GRIK4: variants seen among roughly 807,000 people sequenced by gnomAD.
GRIK4 encodes the protein glutamate ionotropic receptor kainate type subunit 4, also known as glutamate receptor ionotropic, kainate 4.
In GRIK4, 40 loss-of-function variants were observed where a neutral mutation model predicts 104.9. The observed-to-expected ratio is 0.38, with a 90% CI of 0.30 to 0.50. GRIK4 has a LOEUF of 0.50. GRIK4 is among the 20% of genes least tolerant of loss of function. The pLI, the probability that GRIK4 is intolerant of heterozygous loss-of-function variation, is 0.93. For missense variants in GRIK4, 1,047 were observed against 1,308.1 expected, an observed-to-expected ratio of 0.80 and a Z score of 3.08; for synonymous variants, 485 against 524.9, an observed-to-expected ratio of 0.92 and a Z score of 1.04.
intron 3 of GRIK4, among the ~76,000 whole-genome samples, chr11:120,699,041 CTGTT>C (rs1000881553): frequency 6.6e-6 from 1 of 152,250 alleles, no homozygotes; most frequent in African/African-American, 2.4e-5. Context: ...CCACCTGTGT[CTGTT>C]TGCCCCTGTG....
chr11:120,514,432 C>T (rs1363667669), intron 1 of GRIK4, among the ~76,000 whole-genome samples: 1 of 152,180 alleles, frequency 6.6e-6, no homozygotes, highest in East Asian at 1.9e-4. Context: ...ACAGCTGGGT[C>T]CCAGGCCCCT....
chr11:120,695,337 G>A (rs373832431), intron 3 of GRIK4, among the ~76,000 whole-genome samples: 1 of 152,190 alleles, frequency 6.6e-6, no homozygotes, highest in African/African-American at 2.4e-5. Context: ...CCAGGCCCTG[G>A]CCCTCCCTCT....
rs1789661 is a variant in GRIK4 at position 120,956,312 on chromosome 11, C to T, written c.1701-468C>T. Reference sequence around the variant, plus strand: ...TACCTCCCGGACTCAAGTGATTCTCCCACCTCATCCTCTTGAGTAGCTAGG... The same window carrying T: ...TACCTCCCGGACTCAAGTGATTCTCTCACCTCATCCTCTTGAGTAGCTAGG... On this transcript the variant is annotated intron_variant, in intron 15 of 20. Coordinates refer to ENST00000527524, the MANE Select transcript of GRIK4 (RefSeq NM_014619.5). The surrounding 1 kb of genome is among the most constrained non-coding windows in gnomAD (Gnocchi z 4.6). 0.15 allele frequency among the ~76,000 whole-genome samples: 22,962 copies of T among 151,944 alleles called. 2,117 individuals carry two copies. The highest frequency in any genetic ancestry group is 0.34 in the East Asian group (1,726 of 5,142).
intron 3 of GRIK4, among the ~76,000 whole-genome samples, chr11:120,706,319 A>G (rs144951040): frequency 1.5e-3 from 227 of 152,338 alleles, no homozygotes; most frequent in African/African-American, 4.9e-3. Flanking sequence ...GTCTTTGTTT[A>G]GACCCAGTTT....
intron 3 of GRIK4, among the ~76,000 whole-genome samples, chr11:120,738,798 C>T (rs897202329): frequency 2.6e-5 from 4 of 152,210 alleles, no homozygotes; most frequent in African/African-American, 9.6e-5. Context: ...TGTATTCTCC[C>T]TGTGTCTTGT....
chr11:120,623,178 T>C (rs1949210838), intron 1 of GRIK4, among the ~76,000 whole-genome samples: 1 of 152,252 alleles, frequency 6.6e-6, no homozygotes, highest in Non-Finnish European at 1.5e-5. Flanking sequence ...GGTCTTGCTC[T>C]GTTGCCCAGG....
At chr11:120,521,722 G>A (rs1043928131) in intron 1 of GRIK4, among the ~76,000 whole-genome samples, 2 of 152,180 alleles carry the variant, frequency 1.3e-5, no homozygotes, top group African/African-American at 4.8e-5. Context: ...CAGGTAATGA[G>A]AACGCCTGTT....
At position 120,982,125 on chromosome 11, in the gene GRIK4, T is replaced by C. The variant is rs1212639352; in HGVS notation, c.2415T>C (p.Ile805=). 1.9e-6 allele frequency: 3 copies of C among 1,609,272 alleles called. No individual in the cohort carries two copies. The African/African-American group carries it at 4.0e-5, about 22-fold the overall frequency. Residue 805 remains isoleucine (I), a synonymous_variant, in exon 20 of 21, where the codon ATT becomes ATC. Coordinates refer to ENST00000527524, the MANE Select transcript of GRIK4 (RefSeq NM_014619.5). ...TTACAGGCCTGGGAATGGAGAATAT[T>C]GGTGGAATCTTTGTGGTTCTTATTT... ...HRAKGLGMEN[I]GGIFVVLICG... is the part of the protein sequence containing the mutation.
rs771320676 is a variant in GRIK4 at position 120,952,997 on chromosome 11, C to T, written c.1700+33C>T. On this transcript the variant is annotated intron_variant, in intron 15 of 20. Transcript: ENST00000527524. This position sits in a 1 kb window ranked among gnomAD's most constrained non-coding sequence, Gnocchi z 5.2. ...CCTCTTCCCTTCCCTGTCCTTACACCGCCACCTCGTGTCCACCTCTGGGAA... is the reference window on the plus strand; with the variant it reads ...CCTCTTCCCTTCCCTGTCCTTACACTGCCACCTCGTGTCCACCTCTGGGAA... 1.5e-5 allele frequency: 21 copies of T among 1,382,366 alleles called. No homozygotes were observed. The East Asian group carries it at 1.6e-4, about 11-fold the overall frequency. The allele number at this position is 1,382,366 out of a possible 1,614,324, so 85.6% of individuals were successfully genotyped here.
chr11:120,544,847 C>T (rs1288041988), intron 1 of GRIK4, among the ~76,000 whole-genome samples: 1 of 152,066 alleles, frequency 6.6e-6, no homozygotes, highest in Non-Finnish European at 1.5e-5. Flanking sequence ...TCATTGAAGC[C>T]ATATTTGTCC....
intron 8 of GRIK4, among the ~76,000 whole-genome samples, chr11:120,854,605 C>T (rs751226636): frequency 3.3e-5 from 5 of 152,146 alleles, no homozygotes; most frequent in Non-Finnish European, 7.3e-5. Flanking sequence ...GGAAGGCCTC[C>T]GCACACTGCC....
chr11:120,747,997 G>A (rs780257312), intron 3 of GRIK4, among the ~76,000 whole-genome samples: 6 of 152,220 alleles, frequency 3.9e-5, no homozygotes, highest in Non-Finnish European at 1.5e-5. Flanking sequence ...GTTTAATTAC[G>A]CTTATCACTG....
chr11:120,621,744 T>C (rs953718521), intron 1 of GRIK4, among the ~76,000 whole-genome samples: 1 of 152,184 alleles, frequency 6.6e-6, no homozygotes, highest in African/African-American at 2.4e-5. Flanking sequence ...GTGAAGGCAC[T>C]TAATTGCATG....
At chr11:120,761,442 C>G (rs1194816351) in intron 3 of GRIK4, among the ~76,000 whole-genome samples, 2 of 152,172 alleles carry the variant, frequency 1.3e-5, no homozygotes, top group African/African-American at 4.8e-5. Flanking sequence ...TGCAGAAGCT[C>G]TTTAGTTTAA....
intron 1 of GRIK4, among the ~76,000 whole-genome samples, chr11:120,605,886 A>G (rs1298697284): frequency 6.6e-6 from 1 of 152,222 alleles, no homozygotes; most frequent in Non-Finnish European, 1.5e-5. Flanking sequence ...GTGCCAGGTC[A>G]ATGAGGCTGG....
chr11:120,583,622 A>T (rs1948617623), intron 1 of GRIK4, among the ~76,000 whole-genome samples: 1 of 152,206 alleles, frequency 6.6e-6, no homozygotes, highest in Non-Finnish European at 1.5e-5. Flanking sequence ...GTAACCATGT[A>T]GTGTAGTTTG....
At chr11:120,603,749 A>C (rs538701582) in intron 1 of GRIK4, among the ~76,000 whole-genome samples, 37 of 152,268 alleles carry the variant, frequency 2.4e-4, no homozygotes, top group Non-Finnish European at 5.0e-4. Context: ...TTTGGGGGGA[A>C]GGTTTGGCAA....
chr11:120,929,925 C>T (rs1943445511), intron 13 of GRIK4, among the ~76,000 whole-genome samples: 1 of 152,204 alleles, frequency 6.6e-6, no homozygotes, highest in Admixed American at 6.5e-5. Context: ...ACAAAAATCC[C>T]TCCTGCATAC....
intron 3 of GRIK4, among the ~76,000 whole-genome samples, chr11:120,758,597 A>G (rs1303494504): frequency 6.6e-6 from 1 of 152,226 alleles, no homozygotes. Context: ...ACTGCTTAGA[A>G]TCATCTAAAT....
Sources: gnomAD v4.1 joint callset for allele counts (sites outside exome capture counted in the v4.1 genomes callset) on GRCh38, gnomAD v4.1.1 for gene constraint, Gnocchi (gnomAD v3.1) non-coding constraint, MANE v1.5 for transcripts, NCBI Gene and HGNC (gene_info 2026-07-23, HGNC 2026-07-21) for gene names.